The following ATP11C variants were observed in gnomAD, a reference collection of about 807,000 sequenced individuals.
The protein encoded by ATP11C is phospholipid-transporting ATPase IG.
Under a neutral mutation model 97.4 loss-of-function variants are expected in ATP11C, and 36 were observed. That is an observed-to-expected ratio of 0.37 (90% confidence interval 0.28 to 0.49). ATP11C has a LOEUF of 0.49. Among genes scored for constraint, ATP11C ranks in the 20% least tolerant of loss-of-function variants. The pLI, the probability that ATP11C is intolerant of heterozygous loss-of-function variation, is 0.98. For missense variants in ATP11C, 730 were observed against 824.6 expected, an observed-to-expected ratio of 0.89 and a Z score of 1.40; for synonymous variants, 275 against 290.9, an observed-to-expected ratio of 0.95 and a Z score of 0.56.
At chrX:139,837,210 C>T (rs767134532) in intron 1 of ATP11C, among the ~76,000 whole-genome samples, 1 of 112,037 alleles carries the variant, frequency 8.9e-6, no homozygotes, top group East Asian at 2.8e-4. Context: ...AAGTTCTATT[C>T]AAGTGTATGA....
At chrX:139,931,589 C>T in intron 1 of ATP11C, among the ~76,000 whole-genome samples, 1 of 112,507 alleles carries the variant, frequency 8.9e-6, no homozygotes, top group South Asian at 3.7e-4. Flanking sequence ...TTCTTTTGGG[C>T]CACCGTGACA....
At chrX:139,760,038 T>A (rs754593833) in intron 22 of ATP11C, among the ~76,000 whole-genome samples, 2 of 111,882 alleles carry the variant, frequency 1.8e-5, no homozygotes, top group East Asian at 5.7e-4. Context: ...GAGCTGCTGT[T>A]ACTGGGTGCA....
At chrX:139,860,104 CAAAAAAAAAAAAA>C (rs1245214221) in intron 1 of ATP11C, among the ~76,000 whole-genome samples, 2 of 20,419 alleles carry the variant, frequency 9.8e-5, no homozygotes, top group Non-Finnish European at 1.5e-4. Flanking sequence ...GACTCCGTCT[CAAAAAAAAAAAAA>C]AAAAAAAAAG....
At chrX:139,890,364 C>T (rs1326267261) in intron 1 of ATP11C, among the ~76,000 whole-genome samples, 1 of 110,910 alleles carries the variant, frequency 9.0e-6, no homozygotes, top group East Asian at 2.8e-4. Context: ...GACCTCATCT[C>T]TACAAAAAAT....
chrX:139,868,436 C>T (rs896156435), intron 1 of ATP11C, among the ~76,000 whole-genome samples: 6 of 110,051 alleles, frequency 5.5e-5, no homozygotes, highest in Admixed American at 4.9e-4. Context: ...AAATTCCTGG[C>T]CAGGCGCGGT....
chrX:139,726,830 T>C lies in ATP11C; in HGVS notation c.*2136A>G, dbSNP rs1603318880. On this transcript the variant is annotated 3_prime_UTR_variant, in exon 30 of 30. Transcript: ENST00000682941. ...CAAATAGGGTGATTACATTGAGTGC[T>C]AGGAATACTGCATGGTCTATTTCAA... The C allele has an allele frequency of 9.0e-6, 1 of 111,590 alleles. No homozygotes were observed. The highest frequency in any genetic ancestry group is 3.3e-5 in the African/African-American group (1 of 30,731). 9.2% of individuals were successfully genotyped at this position (111,590 alleles called of 1,213,427 possible).
intron 1 of ATP11C, among the ~76,000 whole-genome samples, chrX:139,874,893 T>C (rs2084443753): frequency 8.9e-6 from 1 of 111,762 alleles, no homozygotes; most frequent in African/African-American, 3.3e-5. Flanking sequence ...TACTAGCAGG[T>C]GGGGCATGAA....
chrX:139,837,980 T>C (rs773284672), intron 1 of ATP11C, among the ~76,000 whole-genome samples: 4 of 112,008 alleles, frequency 3.6e-5, no homozygotes. Context: ...AAATTGCCTA[T>C]GATGAGAACG....
intron 14 of ATP11C, 61 bp downstream of exon 14, chrX:139,788,131 A>G: frequency 1.9e-6 from 2 of 1,034,210 alleles, no homozygotes; most frequent in Non-Finnish European, 1.3e-6. Flanking sequence ...AAAAAAACAA[A>G]TAACTTCTGT....
intron 1 of ATP11C, among the ~76,000 whole-genome samples, chrX:139,873,067 T>C (rs1434925553): frequency 8.9e-6 from 1 of 112,386 alleles, no homozygotes; most frequent in East Asian, 2.8e-4. Flanking sequence ...TTTAAAGACA[T>C]GCTAAATTCT....
chrX:139,861,769 TACACACACAC>T (rs5904005), intron 1 of ATP11C, among the ~76,000 whole-genome samples: 5 of 101,319 alleles, frequency 4.9e-5, no homozygotes, highest in African/African-American at 1.4e-4. Context: ...AATCCTGTTA[TACACACACAC>T]ACACACACAC....
intron 1 of ATP11C, among the ~76,000 whole-genome samples, chrX:139,922,281 A>T (rs1401321201): frequency 1.3e-5 from 1 of 79,272 alleles, no homozygotes; most frequent in African/African-American, 4.8e-5. Flanking sequence ...CATTTTTTTT[A>T]AATGACATAA....
intron 19 of ATP11C, among the ~76,000 whole-genome samples, chrX:139,770,885 C>A (rs964372149): frequency 8.9e-6 from 1 of 111,750 alleles, no homozygotes; most frequent in Non-Finnish European, 1.9e-5. Flanking sequence ...TGAAGCCCTA[C>A]CCCCAATGTG....
intron 1 of ATP11C, among the ~76,000 whole-genome samples, chrX:139,860,899 C>G (rs755250641): frequency 8.9e-6 from 1 of 112,344 alleles, no homozygotes; most frequent in East Asian, 2.8e-4. Context: ...TGTGAATGAG[C>G]AGCTCTATTT....
At chrX:139,821,174 T>A (rs2083402134) in intron 2 of ATP11C, among the ~76,000 whole-genome samples, 1 of 112,010 alleles carries the variant, frequency 8.9e-6, no homozygotes, top group South Asian at 3.7e-4. Flanking sequence ...ACAGCTGCAT[T>A]ACAACCAATA....
chrX:139,914,961 C>T (rs2085132186), intron 1 of ATP11C, among the ~76,000 whole-genome samples: 1 of 111,687 alleles, frequency 9.0e-6, no homozygotes, highest in African/African-American at 3.3e-5. Flanking sequence ...GCACTTAAAA[C>T]AGTTCCTGGA....
Position 139,932,184 on chromosome X carries a change from C to G in ATP11C, c.-142G>C, listed in dbSNP as rs1316019576. The stretch of plus-strand genomic sequence containing the variant: ...GGCCGGGCCACCCGCTCGCCGCCTG[C>G]CCCCCTCGGCTCTCCGCGCTCCCCC... On this transcript the variant is annotated 5_prime_UTR_variant, in exon 1 of 30. Transcript: ENST00000682941. The G allele has an allele frequency of 5.2e-4, 203 of 388,722 alleles. No homozygotes were observed. The African/African-American group carries it at 5.4e-3, about 10-fold the overall frequency. The allele number at this position is 388,722 out of a possible 1,213,427, so 32.0% of individuals were successfully genotyped here. A position where few individuals can be genotyped will look rare whatever the true frequency, so the allele number is the denominator to read the frequency against.
intron 18 of ATP11C, among the ~76,000 whole-genome samples, chrX:139,777,588 G>A (rs2082373509): frequency 9.0e-6 from 1 of 111,242 alleles, no homozygotes; most frequent in African/African-American, 3.3e-5. Flanking sequence ...AAGGCAACAT[G>A]TAAAATATAT....
chrX:139,788,788 T>C (rs1052862126), intron 13 of ATP11C, among the ~76,000 whole-genome samples: 1 of 112,319 alleles, frequency 8.9e-6, no homozygotes, highest in Non-Finnish European at 1.9e-5. Context: ...ATTATGATCA[T>C]ACAGACAAGC....
Sources: allele counts gnomAD v4.1 joint callset (sites outside exome capture counted in the v4.1 genomes callset), GRCh38; gene constraint gnomAD v4.1.1; transcripts MANE v1.5; gene names NCBI Gene and HGNC (gene_info 2026-07-23, HGNC 2026-07-21).